The following APLF variants were observed in gnomAD, a reference collection of about 807,000 sequenced individuals.
APLF encodes the protein aprataxin and PNKP like factor, also known as aprataxin and PNK-like factor.
Under a neutral mutation model 55.6 loss-of-function variants are expected in APLF, and 61 were observed. That is an observed-to-expected ratio of 1.10 (90% CI 0.89 to 1.36). The LOEUF (loss-of-function observed/expected upper bound fraction) is 1.36. APLF is among the 40% of genes most tolerant of loss of function. The pLI is 0.00. For missense variants in APLF, 611 were observed against 602.5 expected (o/e 1.01, Z -0.15); for synonymous variants, 207 against 214.8 (o/e 0.96, Z 0.32).
At chr2:68,535,451 AT>A (rs946450148) in intron 6 of APLF, 14 of 212,436 alleles carry the variant, frequency 6.6e-5, no homozygotes, top group East Asian at 3.3e-4. Flanking sequence ...TATATAAGGA[AT>A]TTTTTTTAAA....
At chr2:68,515,991 A>G (rs1031010249) in intron 5 of APLF, among the ~76,000 whole-genome samples, 5 of 151,796 alleles carry the variant, frequency 3.3e-5, no homozygotes, top group African/African-American at 9.7e-5. Flanking sequence ...CGCAGGATGC[A>G]TTTTGGTTTA....
At chr2:68,526,340 T>C in intron 6 of APLF, 98 bp downstream of exon 6, 1 of 1,447,304 alleles carries the variant, frequency 6.9e-7, no homozygotes, top group South Asian at 1.2e-5. Flanking sequence ...AACTGCCTTT[T>C]ATTGTTGAGT....
chr2:68,566,798 T>C (rs982409925), intron 8 of APLF, among the ~76,000 whole-genome samples: 3 of 152,164 alleles, frequency 2.0e-5, no homozygotes, highest in Non-Finnish European at 4.4e-5. Context: ...TTTTGTTTGA[T>C]TCCAGAATAT....
At chr2:68,546,061 T>G (rs1286114579) in intron 8 of APLF, among the ~76,000 whole-genome samples, 1 of 152,122 alleles carries the variant, frequency 6.6e-6, no homozygotes, top group East Asian at 1.9e-4. Context: ...TCTATTTCTG[T>G]GATTGTGGTT....
chr2:68,578,232 C>T lies in APLF; in HGVS notation c.*210C>T. ...TTGTTGCCTTGCCTTTTCTTTCCTA[C>T]TTAAAGCATCTGGAAATAGGAAGAC... On this transcript the variant is annotated 3_prime_UTR_variant, in exon 10 of 10. Coordinates refer to ENST00000303795, the MANE Select transcript of APLF (RefSeq NM_173545.3). The T allele has an allele frequency of 1.5e-6, 2 of 1,298,266 alleles. No homozygotes were observed. The highest frequency in any genetic ancestry group is 2.0e-6 in the Non-Finnish European group (2 of 1,021,046). 80.4% of individuals were successfully genotyped at this position (1,298,266 alleles called of 1,614,324 possible). A position where few individuals can be genotyped will look rare whatever the true frequency, so the allele number is the denominator to read the frequency against.
intron 8 of APLF, 31 bp from the exon 9 acceptor site, chr2:68,567,310 A>G (rs775107879): frequency 3.2e-6 from 5 of 1,586,382 alleles, no homozygotes; most frequent in Non-Finnish European, 4.3e-6. Context: ...TAATTGGAAG[A>G]CTAGCTCTTA....
chr2:68,552,162 G>A (rs1279084451), intron 8 of APLF, among the ~76,000 whole-genome samples: 2 of 152,058 alleles, frequency 1.3e-5, no homozygotes, highest in African/African-American at 4.8e-5. Flanking sequence ...TATGTTTGTT[G>A]CAAATACCTT....
At chr2:68,488,622 C>T (rs1414134038) in intron 1 of APLF, among the ~76,000 whole-genome samples, 1 of 152,024 alleles carries the variant, frequency 6.6e-6, no homozygotes, top group Non-Finnish European at 1.5e-5. Context: ...AGCCACCACA[C>T]CCTGCCTATT....
intron 7 of APLF, among the ~76,000 whole-genome samples, chr2:68,538,694 A>G (rs1297653594): frequency 7.5e-6 from 1 of 133,380 alleles, no homozygotes; most frequent in Admixed American, 7.3e-5. Flanking sequence ...TCCTGGATTG[A>G]TGGGTTGCTC....
chr2:68,521,576 C>G (rs753361922), intron 5 of APLF, among the ~76,000 whole-genome samples: 1 of 151,896 alleles, frequency 6.6e-6, no homozygotes, highest in Non-Finnish European at 1.5e-5. Context: ...TCTCCTCTTT[C>G]TTGATCTCCA....
At chr2:68,474,927 C>G (rs2103876296) in intron 1 of APLF, among the ~76,000 whole-genome samples, 1 of 152,304 alleles carries the variant, frequency 6.6e-6, no homozygotes, top group East Asian at 1.9e-4. Context: ...CTCAGCCTCC[C>G]AAAGTGTTGA....
chr2:68,474,527 A>T (rs77215354), intron 1 of APLF, among the ~76,000 whole-genome samples: 2 of 152,296 alleles, frequency 1.3e-5, no homozygotes, highest in Non-Finnish European at 2.9e-5. Context: ...TTTTACAATT[A>T]TATATATCTT....
At chr2:68,502,628 T>C in intron 2 of APLF, 103 bp from the exon 3 acceptor site, 1 of 789,898 alleles carries the variant, frequency 1.3e-6, no homozygotes, top group South Asian at 5.3e-5. Context: ...ATACCAAAAT[T>C]ATGAATTCAT....
chr2:68,556,839 A>G (rs909228628), intron 8 of APLF, among the ~76,000 whole-genome samples: 1 of 152,182 alleles, frequency 6.6e-6, no homozygotes, highest in African/African-American at 2.4e-5. Context: ...TCAGTTATCA[A>G]CTATAAGTGC....
chr2:68,541,770 A>C, intron 7 of APLF, among the ~76,000 whole-genome samples: 1 of 152,142 alleles, frequency 6.6e-6, no homozygotes, highest in East Asian at 1.9e-4. Flanking sequence ...TCAAAATCCT[A>C]ATGGTTTTTT....
intron 2 of APLF, among the ~76,000 whole-genome samples, chr2:68,494,625 C>T (rs1448750046): frequency 3.3e-5 from 5 of 152,116 alleles, no homozygotes. Context: ...CATCCATTAG[C>T]TATTCTTCCT....
At chr2:68,498,635 T>C (rs1286025541) in intron 2 of APLF, among the ~76,000 whole-genome samples, 1 of 152,246 alleles carries the variant, frequency 6.6e-6, no homozygotes, top group African/African-American at 2.4e-5. Context: ...CATCTAAATT[T>C]AATCTACAGC....
intron 5 of APLF, among the ~76,000 whole-genome samples, chr2:68,517,277 A>G (rs1669630379): frequency 9.6e-6 from 1 of 104,058 alleles, no homozygotes; most frequent in Non-Finnish European, 1.9e-5. Flanking sequence ...TGTCATTACT[A>G]TATAATATAT....
chr2:68,477,851 C>T (rs1675826395), intron 1 of APLF, among the ~76,000 whole-genome samples: 1 of 152,090 alleles, frequency 6.6e-6, no homozygotes, highest in Non-Finnish European at 1.5e-5. Flanking sequence ...CATCAGATCT[C>T]GTGAGACTTA....
Sources: allele counts gnomAD v4.1 joint callset (sites outside exome capture counted in the v4.1 genomes callset), GRCh38; gene constraint gnomAD v4.1.1; transcripts MANE v1.5; gene names NCBI Gene and HGNC (gene_info 2026-07-23, HGNC 2026-07-21).